AP3S2: variants seen among roughly 807,000 people sequenced by gnomAD.
The protein encoded by AP3S2 is AP-3 complex subunit sigma-2.
A neutral mutation model predicts 23.4 loss-of-function variants in AP3S2; 22 were observed. That is an observed-to-expected ratio of 0.94 (90% CI 0.67 to 1.34). The LOEUF (loss-of-function observed/expected upper bound fraction) is 1.34, where lower values mean the gene tolerates loss of function less well. Among genes scored for constraint, AP3S2 ranks in the 40% most tolerant of loss-of-function variants. The probability of loss-of-function intolerance (pLI) is 0.00; values close to 1 mark genes in which losing one functional copy is unlikely to be tolerated. For synonymous variants in AP3S2, 86 were observed against 87.1 expected (o/e 0.99, Z 0.07); for missense variants, 241 against 236.9 (o/e 1.02, Z -0.11).
intron 4 of AP3S2, among the ~76,000 whole-genome samples, chr15:89,844,324 C>T (rs1286176872): frequency 1.4e-4 from 16 of 112,310 alleles, no homozygotes; most frequent in East Asian, 5.0e-4. Context: ...TCCTTCTTTC[C>T]TTCCTTCCTT....
At chr15:89,853,573 G>T (rs968098169) in intron 4 of AP3S2, among the ~76,000 whole-genome samples, 2 of 147,628 alleles carry the variant, frequency 1.4e-5, no homozygotes, top group Non-Finnish European at 3.0e-5. Flanking sequence ...GCCGCCCATC[G>T]TCTGGGATGT....
intron 4 of AP3S2, among the ~76,000 whole-genome samples, chr15:89,858,518 AG>A (rs1895914727): frequency 6.2e-4 from 31 of 49,816 alleles, no homozygotes; most frequent in African/African-American, 8.9e-4. Flanking sequence ...AGAGAGAGAG[AG>A]AGAGAGAAAG....
At chr15:89,873,316 GCT>G (rs1896364382) in intron 3 of AP3S2, among the ~76,000 whole-genome samples, 1 of 143,082 alleles carries the variant, frequency 7.0e-6, no homozygotes, top group African/African-American at 2.6e-5. Context: ...ACAGACTCTC[GCT>G]CTGTTGTCCA....
intron 1 of AP3S2, 198 bp downstream of exon 1, chr15:89,893,683 G>A (rs1896871503): frequency 7.1e-6 from 4 of 563,638 alleles, no homozygotes; most frequent in Non-Finnish European, 1.3e-5. Flanking sequence ...GTCAGCGAGA[G>A]CGGGGCAGTA....
chr15:89,867,814 G>A (rs1303343750), intron 4 of AP3S2, among the ~76,000 whole-genome samples: 2 of 129,124 alleles, frequency 1.5e-5, no homozygotes, highest in East Asian at 5.2e-4. Flanking sequence ...CCCTCCGCCC[G>A]GCAGCTGCCC....
intron 4 of AP3S2, among the ~76,000 whole-genome samples, chr15:89,844,323 C>T: frequency 7.1e-6 from 1 of 140,256 alleles, no homozygotes. Context: ...TTCCTTCTTT[C>T]CTTCCTTCCT....
In AP3S2 at chr15:89,880,315, TTATAAA is replaced by T. The variant is rs1404476343; in HGVS notation, c.273+8200_273+8205del. On this transcript the variant is annotated intron_variant, in intron 3 of 5. Transcript: ENST00000336418. Reference sequence around the variant, plus strand: ...AGAATACATATGGATGAACAAATAGTTATAAATATCAGAGAACGTACTGAAAAACAA... The same window carrying T: ...AGAATACATATGGATGAACAAATAGTTATCAGAGAACGTACTGAAAAACAA... Among the ~76,000 whole-genome samples the T allele has an allele frequency of 2.6e-5, 4 of 152,204 alleles. No homozygotes were observed. In the South Asian group the frequency reaches 8.3e-4, roughly 32 times the overall value.
intron 4 of AP3S2, among the ~76,000 whole-genome samples, chr15:89,869,837 T>C (rs930031789): frequency 2.0e-5 from 3 of 151,778 alleles, no homozygotes; most frequent in Admixed American, 1.3e-4. Flanking sequence ...CACTGCAACC[T>C]CCGCCTCCCG....
intron 3 of AP3S2, among the ~76,000 whole-genome samples, chr15:89,881,319 T>C (rs1385340503): frequency 6.6e-6 from 1 of 152,182 alleles, no homozygotes; most frequent in East Asian, 1.9e-4. Flanking sequence ...AACATTAGAG[T>C]TTCTTCAACA....
rs1895169159 is a variant in AP3S2 at position 89,835,592 on chromosome 15, TGATGTTTTTCACA to T, written c.492_504del (p.Val165ThrfsTer32). 1.2e-6 allele frequency: 2 copies of T among 1,613,282 alleles called. No homozygotes were observed. The highest frequency in any genetic ancestry group is 1.7e-6 in the Non-Finnish European group (2 of 1,179,902). On this transcript the variant is annotated frameshift_variant, in exon 6 of 6. Coordinates refer to ENST00000336418, the MANE Select transcript of AP3S2 (RefSeq NM_005829.5). LOFTEE classifies it high-confidence loss of function. ...ATGTTCCGAGGAATCTCTGGCAGGT[TGATGTTTTTCACA>T]GCAGACACAGCCCGCGCAGGGGCTG...
chr15:89,868,040 G>A (rs1212447935), intron 4 of AP3S2, among the ~76,000 whole-genome samples: 60 of 133,470 alleles, frequency 4.5e-4, no homozygotes, highest in African/African-American at 1.6e-3. Context: ...GGTGAGGGGC[G>A]CCTCTGCCCG....
intron 4 of AP3S2, among the ~76,000 whole-genome samples, chr15:89,844,050 G>A (rs928652916): frequency 6.6e-6 from 1 of 152,154 alleles, no homozygotes; most frequent in African/African-American, 2.4e-5. Flanking sequence ...GAGAGTCCAT[G>A]GATAGCATTT....
chr15:89,851,589 G>A (rs778102537), intron 4 of AP3S2, among the ~76,000 whole-genome samples: 3 of 151,832 alleles, frequency 2.0e-5, no homozygotes, highest in Non-Finnish European at 2.9e-5. Context: ...TGCCCAACTC[G>A]GCCTCCCAAA....
At chr15:89,884,154 C>T (rs1028743735) in intron 3 of AP3S2, 5 of 153,318 alleles carry the variant, frequency 3.3e-5, no homozygotes, top group Admixed American at 2.6e-4. Flanking sequence ...TACTTTTAAT[C>T]AAAAATGCTT....
At chr15:89,846,167 T>C (rs2141844483) in intron 4 of AP3S2, among the ~76,000 whole-genome samples, 1 of 152,360 alleles carries the variant, frequency 6.6e-6, no homozygotes, top group East Asian at 1.9e-4. Flanking sequence ...CATAAATTTA[T>C]GACAACATTT....
chr15:89,860,204 C>T (rs1192955817), intron 4 of AP3S2, among the ~76,000 whole-genome samples: 2 of 152,164 alleles, frequency 1.3e-5, no homozygotes, highest in Non-Finnish European at 2.9e-5. Flanking sequence ...TGTCCTAAGA[C>T]CCCCAGTGGA....
intron 3 of AP3S2, among the ~76,000 whole-genome samples, chr15:89,884,548 A>G (rs903871282): frequency 6.6e-6 from 1 of 152,144 alleles, no homozygotes; most frequent in Non-Finnish European, 1.5e-5. Context: ...AAAAAAAGGC[A>G]GGTCTCACAA....
At chr15:89,868,106 G>T (rs1732444186) in intron 4 of AP3S2, among the ~76,000 whole-genome samples, 1 of 114,548 alleles carries the variant, frequency 8.7e-6, no homozygotes, top group African/African-American at 3.2e-5. Context: ...CCCCGTCCGG[G>T]AGGGAGATGG....
At chr15:89,886,804 T>C (rs76836780) in intron 3 of AP3S2, among the ~76,000 whole-genome samples, 1 of 152,174 alleles carries the variant, frequency 6.6e-6, no homozygotes, top group Non-Finnish European at 1.5e-5. Flanking sequence ...GAGCTTTTTT[T>C]CTTTTTTTGA....
Sources: allele counts gnomAD v4.1 joint callset (sites outside exome capture counted in the v4.1 genomes callset), GRCh38; gene constraint gnomAD v4.1.1; transcripts MANE v1.5; gene names NCBI Gene and HGNC (gene_info 2026-07-23, HGNC 2026-07-21).